Variants in CPXM2 observed in about 807,000 individuals in gnomAD.
The protein encoded by CPXM2 is carboxypeptidase X, M14 family member 2.
Under a neutral mutation model 86.1 loss-of-function variants are expected in CPXM2, and 66 were observed. The ratio of observed to expected loss-of-function variants is 0.77; its 90% CI spans 0.63 to 0.94. The LOEUF (loss-of-function observed/expected upper bound fraction) is 0.94. Ranked by LOEUF, CPXM2 falls within the 40% of genes least tolerant of loss-of-function variation. CPXM2 has a pLI of 0.00. For missense variants in CPXM2, 948 were observed against 1,026.3 expected (o/e 0.92, Z 1.04); for synonymous variants, 388 against 400.2 (o/e 0.97, Z 0.36).
intron 2 of CPXM2, among the ~76,000 whole-genome samples, chr10:123,904,728 C>A (rs974174938): frequency 1.3e-5 from 2 of 152,162 alleles, no homozygotes; most frequent in African/African-American, 4.8e-5. Context: ...CCTTTTCTGG[C>A]CAAGTTCAGT....
At chr10:123,773,220 C>T (rs566671733) in intron 7 of CPXM2, among the ~76,000 whole-genome samples, 2 of 128,350 alleles carry the variant, frequency 1.6e-5, no homozygotes, top group South Asian at 4.6e-4. Flanking sequence ...TCAGCTCCCT[C>T]ATTGTGGTTA....
intron 10 of CPXM2, among the ~76,000 whole-genome samples, chr10:123,764,146 G>A (rs1015280011): frequency 2.0e-5 from 3 of 151,858 alleles, no homozygotes; most frequent in African/African-American, 7.3e-5. Flanking sequence ...TTTATTATTT[G>A]TTATTCTTCA....
chr10:123,867,887 T>G (rs1179988865), intron 2 of CPXM2, among the ~76,000 whole-genome samples: 3 of 152,162 alleles, frequency 2.0e-5, no homozygotes, highest in Non-Finnish European at 4.4e-5. Context: ...TAAAGTGACC[T>G]GCTCCTCCCC....
At chr10:123,751,515 T>C in intron 13 of CPXM2, 1 of 985,298 alleles carries the variant, frequency 1.0e-6, no homozygotes, top group Non-Finnish European at 1.2e-6. Flanking sequence ...AAGGGGCAAC[T>C]CAGGCCCAAA....
chr10:123,780,817 C>T, intron 6 of CPXM2, among the ~76,000 whole-genome samples: 1 of 152,130 alleles, frequency 6.6e-6, no homozygotes, highest in East Asian at 1.9e-4. Context: ...GATCTCAAGT[C>T]CCCAGCTCCA....
At chr10:123,753,418 C>A (rs538648370) in intron 13 of CPXM2, among the ~76,000 whole-genome samples, 1 of 152,296 alleles carries the variant, frequency 6.6e-6, no homozygotes, top group Non-Finnish European at 1.5e-5. Context: ...CCCTGAGGGG[C>A]ACCTGCAGGG....
At chr10:123,760,136 T>C (rs1846300149) in intron 11 of CPXM2, among the ~76,000 whole-genome samples, 1 of 152,108 alleles carries the variant, frequency 6.6e-6, no homozygotes, top group Non-Finnish European at 1.5e-5. Context: ...ATATAATGGA[T>C]AGAAAAAAAA....
At chr10:123,809,366 A>G (rs975773830) in intron 4 of CPXM2, among the ~76,000 whole-genome samples, 2 of 152,192 alleles carry the variant, frequency 1.3e-5, no homozygotes, top group Non-Finnish European at 2.9e-5. Flanking sequence ...ATCTGCTGTC[A>G]GTGAAATTGT....
chr10:123,862,770 G>C (rs961788927), intron 2 of CPXM2, 47 bp from the exon 3 acceptor site: 1 of 1,507,934 alleles, frequency 6.6e-7, no homozygotes, highest in African/African-American at 1.4e-5. Flanking sequence ...ATGCTGAAAG[G>C]GATGAGTTTC....
At chr10:123,791,331 C>T (rs547607959) in intron 6 of CPXM2, among the ~76,000 whole-genome samples, 172 of 152,266 alleles carry the variant, frequency 1.1e-3, no homozygotes, top group African/African-American at 3.7e-3. Flanking sequence ...GCAGGAGAAT[C>T]GCTTGAATCC....
chr10:123,903,568 G>T (rs1945404214), intron 2 of CPXM2, among the ~76,000 whole-genome samples: 1 of 152,210 alleles, frequency 6.6e-6, no homozygotes, highest in African/African-American at 2.4e-5. Flanking sequence ...GCCATCTCCA[G>T]CCAGTCCTTA....
intron 2 of CPXM2, among the ~76,000 whole-genome samples, chr10:123,898,274 G>C (rs1945353552): frequency 6.6e-6 from 1 of 151,882 alleles, no homozygotes; most frequent in Non-Finnish European, 1.5e-5. Flanking sequence ...AATTAAAATG[G>C]GCGTCAAACA....
At chr10:123,805,169 C>A (rs561244354) in intron 4 of CPXM2, among the ~76,000 whole-genome samples, 2 of 151,978 alleles carry the variant, frequency 1.3e-5, no homozygotes, top group African/African-American at 4.8e-5. Flanking sequence ...AGCTCTGTAT[C>A]ATGTCAACAT....
intron 6 of CPXM2, among the ~76,000 whole-genome samples, chr10:123,791,565 G>A (rs773705830): frequency 7.9e-5 from 12 of 152,160 alleles, no homozygotes; most frequent in Non-Finnish European, 5.9e-5. Context: ...CTCCACCTGC[G>A]ACGTCACATG....
intron 4 of CPXM2, among the ~76,000 whole-genome samples, chr10:123,827,582 T>C (rs1248729670): frequency 1.3e-5 from 2 of 152,276 alleles, no homozygotes; most frequent in South Asian, 2.1e-4. Flanking sequence ...TTTAAATAAA[T>C]GGAAAAATAT....
Position 123,880,139 on chromosome 10 carries a change from G to A in CPXM2, c.403+72C>T, listed in dbSNP as rs1054642932. The A allele has an allele frequency of 5.4e-6, 3 of 558,724 alleles. No individual in the cohort carries two copies. The African/African-American group carries it at 5.7e-5, about 11-fold the overall frequency. The allele number at this position is 558,724 out of a possible 1,614,324, so 34.6% of individuals were successfully genotyped here. ...TCTGTAGTCAGGCTGCTGCACCAGG[G>A]GCCTGTACCCACCCACCCTCCCTGA... On this transcript the variant is annotated intron_variant, in intron 2 of 13. Coordinates refer to ENST00000241305, the MANE Select transcript of CPXM2 (RefSeq NM_198148.3).
At position 123,876,767 on chromosome 10, in the gene CPXM2, G is replaced by A. The variant is rs182111106; in HGVS notation, c.403+3444C>T. Among the ~76,000 whole-genome samples, 13 of 152,260 alleles carry A rather than the reference G, an allele frequency of 8.5e-5. No individual in the cohort carries two copies. The East Asian group carries it at 2.5e-3, about 29-fold the overall frequency. ...TAAGGCACACAAAAGACCCCAAGAC[G>A]GTAAATTAAAGTCACAGCTAATGTT... On this transcript the variant is annotated intron_variant, in intron 2 of 13. Coordinates refer to ENST00000241305, the MANE Select transcript of CPXM2 (RefSeq NM_198148.3).
chr10:123,820,628 C>A (rs1847905808), intron 4 of CPXM2, among the ~76,000 whole-genome samples: 1 of 152,210 alleles, frequency 6.6e-6, no homozygotes, highest in African/African-American at 2.4e-5. Flanking sequence ...ATAGCTCTCC[C>A]TGGGCTATAG....
chr10:123,857,458 G>A (rs989522302), intron 3 of CPXM2, among the ~76,000 whole-genome samples: 11 of 152,012 alleles, frequency 7.2e-5, no homozygotes, highest in African/African-American at 2.7e-4. Flanking sequence ...GACACGTTGA[G>A]TTGCTCAAAA....
Sources: allele counts gnomAD v4.1 joint callset (sites outside exome capture counted in the v4.1 genomes callset), GRCh38; gene constraint gnomAD v4.1.1; transcripts MANE v1.5; gene names NCBI Gene and HGNC (gene_info 2026-07-23, HGNC 2026-07-21).